The following WDFY4 variants were observed in gnomAD, a reference collection of about 807,000 sequenced individuals.
The protein encoded by WDFY4 is WDFY family member 4.
Under a neutral mutation model 351.9 loss-of-function variants are expected in WDFY4, and 169 were observed. The observed-to-expected ratio is 0.48, with a 90% CI of 0.42 to 0.55. The LOEUF (loss-of-function observed/expected upper bound fraction) is 0.55, where lower values mean the gene tolerates loss of function less well. Ranked by LOEUF, WDFY4 falls within the 20% of genes least tolerant of loss-of-function variation. WDFY4 has a pLI of 0.00. For synonymous variants in WDFY4, 1,622 were observed against 1,574.6 expected (o/e 1.03, Z -0.71); for missense variants, 3,803 against 3,935.6 (o/e 0.97, Z 0.90).
intron 1 of WDFY4, among the ~76,000 whole-genome samples, chr10:48,708,299 C>T (rs372330813): frequency 1.1e-4 from 17 of 152,218 alleles, no homozygotes; most frequent in South Asian, 6.2e-4. Context: ...TTATCCTTGC[C>T]GGTGTCACGT....
chr10:48,774,306 C>A (rs888512619), intron 13 of WDFY4, among the ~76,000 whole-genome samples, 152 bp from the exon 14 acceptor site: 11 of 152,184 alleles, frequency 7.2e-5, no homozygotes, highest in Non-Finnish European at 1.3e-4. Flanking sequence ...ACTGGAAGAA[C>A]CCTGAGACAG....
Position 48,735,967 on chromosome 10 carries a change from A to C in WDFY4, c.1775A>C (p.Glu592Ala). The change falls in exon 11 of 62, where the codon GAG (glutamate) becomes GCG (alanine). Residue 592 changes from glutamate to alanine, a missense_variant. Transcript: ENST00000325239. ...CYREASLSILEQLSAINAEEY... is the reference protein window; with the variant it reads ...CYREASLSILAQLSAINAEEY... ...CGGGAGGCCTCGCTCAGCATCTTGGAGCAGCTCTCAGCCATCAACGCCGAG... is the reference window on the plus strand; with the variant it reads ...CGGGAGGCCTCGCTCAGCATCTTGGCGCAGCTCTCAGCCATCAACGCCGAG... 6.4e-7 allele frequency: 1 copy of C among 1,551,836 alleles called. No homozygotes were observed. Among genetic ancestry groups the C allele is most frequent in the Non-Finnish European group, 8.7e-7 (1 of 1,147,044 alleles).
chr10:48,842,185 T>C (rs769032825), intron 39 of WDFY4, among the ~76,000 whole-genome samples: 1 of 152,002 alleles, frequency 6.6e-6, no homozygotes, highest in Non-Finnish European at 1.5e-5. Context: ...TAAGAGAGAC[T>C]GTCCTTTGTC....
intron 43 of WDFY4, among the ~76,000 whole-genome samples, chr10:48,882,273 G>A (rs1232543081): frequency 6.6e-6 from 1 of 152,216 alleles, no homozygotes; most frequent in African/African-American, 2.4e-5. Context: ...CACCACCATG[G>A]AGGGAGCAGC....
chr10:48,832,824 G>A (rs557107685), intron 39 of WDFY4, 115 bp downstream of exon 39: 5 of 1,335,046 alleles, frequency 3.7e-6, no homozygotes, highest in African/African-American at 1.5e-5. Context: ...ACGTCCTTGT[G>A]AGCATTTGAG....
At chr10:48,705,522 A>T (rs1405339830) in intron 1 of WDFY4, among the ~76,000 whole-genome samples, 1 of 152,110 alleles carries the variant, frequency 6.6e-6, no homozygotes, top group Non-Finnish European at 1.5e-5. Context: ...GCTGTTCTTC[A>T]CATGGCCTGC....
At chr10:48,884,438 T>G (rs1457385167) in intron 43 of WDFY4, 1 of 152,124 alleles carries the variant, frequency 6.6e-6, no homozygotes, top group Non-Finnish European at 1.5e-5. Context: ...GGCCTTGTAG[T>G]TTCCCTGGAC....
At chr10:48,908,089 G>GT in intron 47 of WDFY4, among the ~76,000 whole-genome samples, 1 of 152,208 alleles carries the variant, frequency 6.6e-6, no homozygotes. Context: ...TTGTCTGGCT[G>GT]TACTAGGTTC....
rs533212741 is a variant in WDFY4, at chr10:48,861,266, C to T, written c.6664-5999C>T. On this transcript the variant is annotated intron_variant, in intron 39 of 61. Transcript: ENST00000325239. ...GAAAAGGATGTATACTGTATCTACC[C>T]ATATTTATGTTGCTTACTATATTCC... Among the ~76,000 whole-genome samples, 20 of 152,252 alleles carry T rather than the reference C, an allele frequency of 1.3e-4. No homozygotes were observed. The South Asian group carries it at 2.1e-3, about 16-fold the overall frequency.
At chr10:48,865,876 A>C (rs2133245312) in intron 39 of WDFY4, among the ~76,000 whole-genome samples, 1 of 152,204 alleles carries the variant, frequency 6.6e-6, no homozygotes, top group South Asian at 2.1e-4. Flanking sequence ...ACAATTGTTT[A>C]TAGTATTTTT....
intron 24 of WDFY4, among the ~76,000 whole-genome samples, chr10:48,797,517 A>T (rs1173362747): frequency 6.6e-6 from 1 of 152,244 alleles, no homozygotes; most frequent in Non-Finnish European, 1.5e-5. Context: ...ATACATTTTT[A>T]AAATCATAGT....
At chr10:48,781,495 C>T (rs2066224269) in intron 19 of WDFY4, among the ~76,000 whole-genome samples, 1 of 151,998 alleles carries the variant, frequency 6.6e-6, no homozygotes, top group South Asian at 2.1e-4. Context: ...GGGGTTTCAC[C>T]AGGCTGGCCA....
rs180682687 is a variant in WDFY4 at position 48,837,981 on chromosome 10, T to C, written c.6663+5272T>C. ...ATTCACACGGAGGAGGGCAGAGCCC[T>C]GTGTTCCCCACAATTCCATGGCTTT... On this transcript the variant is annotated intron_variant, in intron 39 of 61. Transcript: ENST00000325239. Among the ~76,000 whole-genome samples the C allele has an allele frequency of 3.2e-3, 480 of 152,242 alleles. 1 individual carries two copies. The highest frequency in any genetic ancestry group is 0.011 in the African/African-American group (455 of 41,484).
chr10:48,720,352 A>C (rs1482663835), intron 3 of WDFY4, among the ~76,000 whole-genome samples: 1 of 152,158 alleles, frequency 6.6e-6, no homozygotes, highest in East Asian at 1.9e-4. Context: ...AGACATAGAC[A>C]AACACACACA....
At chr10:48,860,855 A>C (rs1429688785) in intron 39 of WDFY4, among the ~76,000 whole-genome samples, 1 of 152,012 alleles carries the variant, frequency 6.6e-6, no homozygotes, top group African/African-American at 2.4e-5. Context: ...ACTAATTTCT[A>C]GTTTGATTCA....
At chr10:48,896,257 G>C (rs1589828956) in intron 44 of WDFY4, among the ~76,000 whole-genome samples, 1 of 152,330 alleles carries the variant, frequency 6.6e-6, no homozygotes, top group East Asian at 1.9e-4. Context: ...CTGTTAGCAT[G>C]GATGCTGGGA....
In WDFY4 at chr10:48,741,488, C is replaced by T. The variant is rs920061033; in HGVS notation, c.1879-1480C>T. ...AAAAAAAAAAAAAAAAAATGGAGCTCCCAAAGTGCATGACTTCATGTTTGA... is the reference window on the plus strand; with the variant it reads ...AAAAAAAAAAAAAAAAAATGGAGCTTCCAAAGTGCATGACTTCATGTTTGA... On this transcript the variant is annotated intron_variant, in intron 11 of 61. Coordinates refer to ENST00000325239, the MANE Select transcript of WDFY4 (RefSeq NM_001394531.1). Among the ~76,000 whole-genome samples the T allele has an allele frequency of 3.4e-5, 5 of 146,792 alleles. No homozygotes were observed. The South Asian group carries it at 6.5e-4, about 19-fold the overall frequency.
chr10:48,887,558 C>T (rs1345960522), intron 43 of WDFY4, among the ~76,000 whole-genome samples: 1 of 152,176 alleles, frequency 6.6e-6, no homozygotes, highest in Non-Finnish European at 1.5e-5. Context: ...ACGGGCGGAT[C>T]ACGAGGTCAG....
At chr10:48,716,529 G>T (rs1359148821) in intron 2 of WDFY4, among the ~76,000 whole-genome samples, 1 of 152,188 alleles carries the variant, frequency 6.6e-6, no homozygotes, top group Admixed American at 6.5e-5. Context: ...ACTCTTTGGG[G>T]TCCCCATGGT....
Sources: gnomAD v4.1 joint callset for allele counts (sites outside exome capture counted in the v4.1 genomes callset) on GRCh38, gnomAD v4.1.1 for gene constraint, MANE v1.5 for transcripts, NCBI Gene and HGNC (gene_info 2026-07-23, HGNC 2026-07-21) for gene names.